The following MDGA2 variants were observed in gnomAD, a reference collection of about 807,000 sequenced individuals.
MDGA2 encodes MAM domain containing glycosylphosphatidylinositol anchor 2.
Under a neutral mutation model 117.8 loss-of-function variants are expected in MDGA2, and 40 were observed. The observed-to-expected ratio is 0.34, with a 90% CI of 0.26 to 0.44. MDGA2 has a LOEUF of 0.44. Among genes scored for constraint, MDGA2 ranks in the 20% least tolerant of loss-of-function variants. The probability of loss-of-function intolerance (pLI) is 1.00; values close to 1 mark genes in which losing one functional copy is unlikely to be tolerated. For synonymous variants in MDGA2, 452 were observed against 439.0 expected, an observed-to-expected ratio of 1.03 and a Z score of -0.37; for missense variants, 1,123 against 1,250.6, an observed-to-expected ratio of 0.90 and a Z score of 1.54.
chr14:47,281,958 G>A (rs1408633974), intron 2 of MDGA2, among the ~76,000 whole-genome samples: 1 of 151,622 alleles, frequency 6.6e-6, no homozygotes, highest in African/African-American at 2.4e-5. Context: ...GGGAGGCTGA[G>A]GCACAAGAAT....
At chr14:47,658,000 CCTG>C (rs774566191) in intron 1 of MDGA2, among the ~76,000 whole-genome samples, 5 of 152,084 alleles carry the variant, frequency 3.3e-5, no homozygotes, top group Non-Finnish European at 5.9e-5. Context: ...ATGTAGGGTA[CCTG>C]TGCTTCCTGT....
intron 7 of MDGA2, among the ~76,000 whole-genome samples, chr14:47,037,725 T>G (rs1888907641): frequency 6.6e-6 from 1 of 152,208 alleles, no homozygotes; most frequent in Non-Finnish European, 1.5e-5. Context: ...CTGAATATGT[T>G]TCACATGTCA....
chr14:46,945,470 C>T lies in MDGA2; in HGVS notation c.2089+11904G>A, dbSNP rs567327218. ...AACTCTATTATCAATTTTCTACTCA[C>T]AAAAATCCCATAGAGAAGAAAATGG... On this transcript the variant is annotated intron_variant, in intron 9 of 16. Coordinates refer to ENST00000399232, the MANE Select transcript of MDGA2 (RefSeq NM_001113498.3). Among the ~76,000 whole-genome samples, 11 of 152,138 alleles carry T rather than the reference C, an allele frequency of 7.2e-5. No individual in the cohort carries two copies. In the East Asian group the frequency reaches 1.2e-3, roughly 16 times the overall value.
chr14:47,272,411 T>C (rs1290851691), intron 2 of MDGA2, among the ~76,000 whole-genome samples: 2 of 152,052 alleles, frequency 1.3e-5, no homozygotes, highest in Non-Finnish European at 2.9e-5. Context: ...GAGAACAAGA[T>C]AGAAATAGAG....
Position 47,675,574 on chromosome 14 carries a change from CCAGGCACCGCCACTTG to C in MDGA2, c.-794_-779del, listed in dbSNP as rs1898170511. On this transcript the variant is annotated 5_prime_UTR_variant, in exon 1 of 17. Transcript: ENST00000399232. ...CAATTCCCGGAGCCGAAAGCAGAGT[CCAGGCACCGCCACTTG>C]CAAGAGAGGGAGAATGCCAGGCAAA... Among the ~76,000 whole-genome samples, 1 of 152,124 alleles carries C rather than the reference CCAGGCACCGCCACTTG, an allele frequency of 6.6e-6. No individual in the cohort carries two copies. Among genetic ancestry groups the C allele is most frequent in the South Asian group, 2.1e-4 (1 of 4,834 alleles).
In MDGA2 at chr14:47,674,882, G is replaced by A; in HGVS notation, c.-86C>T. 3.7e-6 allele frequency: 2 copies of A among 546,668 alleles called. No homozygotes were observed. The highest frequency in any genetic ancestry group is 4.0e-5 in the Admixed American group (1 of 24,788). The allele number at this position is 546,668 out of a possible 1,614,324, so 33.9% of individuals were successfully genotyped here. A position where few individuals can be genotyped will look rare whatever the true frequency, so the allele number is the denominator to read the frequency against. The stretch of plus-strand genomic sequence containing the variant: ...TCACACGCACGCCGCACTCACACCG[G>A]GTGCCTGGGAAAATCGCAGACGCCG... On this transcript the variant is annotated 5_prime_UTR_variant, in exon 1 of 17. Coordinates refer to ENST00000399232, the MANE Select transcript of MDGA2 (RefSeq NM_001113498.3).
At chr14:46,846,613 T>C (rs765541486) in intron 15 of MDGA2, among the ~76,000 whole-genome samples, 41 of 152,078 alleles carry the variant, frequency 2.7e-4, no homozygotes, top group Non-Finnish European at 4.9e-4. Context: ...CTTAAAACAA[T>C]GACAATAGAA....
chr14:47,372,558 A>G (rs967939951), intron 1 of MDGA2, among the ~76,000 whole-genome samples: 1 of 151,964 alleles, frequency 6.6e-6, no homozygotes, highest in Non-Finnish European at 1.5e-5. Context: ...AAAAAGATTT[A>G]CTACATCCAG....
At chr14:47,641,431 C>T (rs1897421842) in intron 1 of MDGA2, among the ~76,000 whole-genome samples, 1 of 151,818 alleles carries the variant, frequency 6.6e-6, no homozygotes, top group Non-Finnish European at 1.5e-5. Context: ...GAGTCCAGGT[C>T]CAAATGTGAC....
chr14:47,080,572 C>T (rs1213186320), intron 6 of MDGA2, among the ~76,000 whole-genome samples: 3 of 152,128 alleles, frequency 2.0e-5, no homozygotes, highest in Admixed American at 6.6e-5. Context: ...AGAATCTGTT[C>T]TTACTATCCT....
Position 47,279,650 on chromosome 14 carries a change from A to AT in MDGA2, c.420+21760dup, listed in dbSNP as rs932360023. Among the ~76,000 whole-genome samples the AT allele has an allele frequency of 5.6e-4, 84 of 150,604 alleles. No homozygotes were observed. The East Asian group carries it at 0.011, about 20-fold the overall frequency. ...CTTAAAAAGGCTTCCCTATCCTGTG[A>AT]TTTTTTTTAAAAAAAAATCATGTTT... On this transcript the variant is annotated intron_variant, in intron 2 of 16. Coordinates refer to ENST00000399232, the MANE Select transcript of MDGA2 (RefSeq NM_001113498.3).
chr14:47,431,525 T>G (rs1186496082), intron 1 of MDGA2, among the ~76,000 whole-genome samples: 1 of 152,008 alleles, frequency 6.6e-6, no homozygotes, highest in Admixed American at 6.6e-5. Flanking sequence ...TTGGTATTGT[T>G]ATGATGGAAA....
At chr14:47,405,089 T>G (rs1420708251) in intron 1 of MDGA2, among the ~76,000 whole-genome samples, 1 of 152,216 alleles carries the variant, frequency 6.6e-6, no homozygotes, top group African/African-American at 2.4e-5. Flanking sequence ...AGGTATTTTC[T>G]TCTATGTATT....
chr14:47,367,781 C>A (rs896302995), intron 1 of MDGA2, among the ~76,000 whole-genome samples: 3 of 152,174 alleles, frequency 2.0e-5, no homozygotes, highest in Non-Finnish European at 2.9e-5. Flanking sequence ...CCTTACTTGG[C>A]TAATATCTCT....
chr14:47,459,168 T>C (rs771776055), intron 1 of MDGA2, among the ~76,000 whole-genome samples: 5 of 151,986 alleles, frequency 3.3e-5, no homozygotes, highest in Non-Finnish European at 5.9e-5. Context: ...TCCATTATTC[T>C]TGATGTCTTT....
At chr14:47,291,176 GCT>G (rs1265098329) in intron 2 of MDGA2, among the ~76,000 whole-genome samples, 10 of 152,260 alleles carry the variant, frequency 6.6e-5, no homozygotes, top group African/African-American at 1.9e-4. Context: ...ACACTTTCTT[GCT>G]CTTAGCCCTA....
At chr14:46,956,775 G>A (rs1885578057) in intron 9 of MDGA2, among the ~76,000 whole-genome samples, 2 of 152,082 alleles carry the variant, frequency 1.3e-5, no homozygotes, top group Admixed American at 1.3e-4. Flanking sequence ...AATCTCATGT[G>A]GAATTGTAAT....
intron 1 of MDGA2, among the ~76,000 whole-genome samples, chr14:47,446,963 T>A (rs1893136113): frequency 6.6e-6 from 1 of 152,172 alleles, no homozygotes; most frequent in African/African-American, 2.4e-5. Context: ...TTGTAGTGAC[T>A]CTAATCATTA....
intron 2 of MDGA2, among the ~76,000 whole-genome samples, chr14:47,254,128 C>T (rs1300032674): frequency 6.6e-6 from 1 of 152,208 alleles, no homozygotes; most frequent in Admixed American, 6.5e-5. Context: ...CCCTCCAGGC[C>T]TGTGATGGGA....
Sources: gnomAD v4.1 joint callset for allele counts (sites outside exome capture counted in the v4.1 genomes callset) on GRCh38, gnomAD v4.1.1 for gene constraint, MANE v1.5 for transcripts, NCBI Gene and HGNC (gene_info 2026-07-23, HGNC 2026-07-21) for gene names.